The following JAKMIP3 variants were observed in gnomAD, a reference collection of about 807,000 sequenced individuals.
The protein encoded by JAKMIP3 is janus kinase and microtubule-interacting protein 3.
JAKMIP3 carries 58 observed loss-of-function variants against 118.5 expected under a neutral mutation model. The observed-to-expected ratio is 0.49, with a 90% confidence interval of 0.40 to 0.61. JAKMIP3 has a LOEUF of 0.61. Among genes scored for constraint, JAKMIP3 ranks in the 20% least tolerant of loss-of-function variants. JAKMIP3 has a pLI of 0.00. For missense variants in JAKMIP3, 950 were observed against 1,109.0 expected, an observed-to-expected ratio of 0.86 and a Z score of 2.04; for synonymous variants, 486 against 451.2, an observed-to-expected ratio of 1.08 and a Z score of -0.98.
At position 132,117,661 on chromosome 10, in the gene JAKMIP3, A is replaced by G. The variant is rs376914198; in HGVS notation, c.633+87A>G. 8.2e-6 allele frequency: 10 copies of G among 1,220,242 alleles called. No homozygotes were observed. The highest frequency in any genetic ancestry group is 8.3e-6 in the Non-Finnish European group (8 of 966,696). The allele number at this position is 1,220,242 out of a possible 1,614,324, so 75.6% of individuals were successfully genotyped here. On this transcript the variant is annotated intron_variant, in intron 3 of 23. Transcript: ENST00000684848. The surrounding 1 kb of genome is among the most constrained non-coding windows in gnomAD (Gnocchi z 8.6). ...CAGGGGCGGGCGTGGGCGAGGGTGC[A>G]GGCGTGGGCTCGGGGAGCACGCGGG...
At chr10:132,064,625 C>T (rs9419174), upstream of JAKMIP3, among the ~76,000 whole-genome samples, 11,975 of 152,260 alleles carry the variant, frequency 0.079, 586 homozygotes, top group East Asian at 0.29. This position sits in a 1 kb window ranked among gnomAD's most constrained non-coding sequence, Gnocchi z 4.4. Context: ...TGGTTGGTAA[C>T]CAGGGACAGC....
rs781050644 is a variant in JAKMIP3, at chr10:132,148,029, G to C, written c.1827G>C (p.Glu609Asp). Reference sequence around the variant, plus strand: ...CCAGAGACCAAAACGAGCTGCTGGAGTTCAGGATCCTGGAGCTTGAGGTAG... The same window carrying C: ...CCAGAGACCAAAACGAGCTGCTGGACTTCAGGATCCTGGAGCTTGAGGTAG... ...QDARDQNELL[E>D]FRILELEERE... The change falls in exon 14 of 24, where the codon GAG (glutamate) becomes GAC (aspartate). Residue 609 changes from glutamate to aspartate, a missense_variant. Physicochemically the swap from Glu to Asp is conservative, Grantham distance 45 (BLOSUM62 2). Coordinates refer to ENST00000684848, the MANE Select transcript of JAKMIP3 (RefSeq NM_001323087.2). 6.2e-7 allele frequency: 1 copy of C among 1,609,668 alleles called. No individual in the cohort carries two copies. The highest frequency in any genetic ancestry group is 1.1e-5 in the South Asian group (1 of 90,566).
At chr10:132,172,537 A>G (rs534118080) in intron 23 of JAKMIP3, among the ~76,000 whole-genome samples, 11 of 152,060 alleles carry the variant, frequency 7.2e-5, no homozygotes, top group African/African-American at 2.7e-4. Flanking sequence ...CATTGGTTAG[A>G]ATTTTCCTAT....
chr10:132,166,901 G>A (rs1194364563), intron 21 of JAKMIP3, 82 bp from the exon 22 acceptor site: 16 of 949,830 alleles, frequency 1.7e-5, no homozygotes, highest in East Asian at 2.6e-5. Flanking sequence ...CTGTAATCGC[G>A]TGTATTTCTT....
At chr10:132,143,461 C>A (rs1468313503) in intron 11 of JAKMIP3, among the ~76,000 whole-genome samples, 1 of 152,078 alleles carries the variant, frequency 6.6e-6, no homozygotes, top group African/African-American at 2.4e-5. Flanking sequence ...CTGTCGGGTG[C>A]CAGAGAAACA....
chr10:132,117,856 C>G lies in JAKMIP3; in HGVS notation c.633+282C>G, dbSNP rs905191967. On this transcript the variant is annotated intron_variant, in intron 3 of 23. Transcript: ENST00000684848. The surrounding 1 kb of genome is among the most constrained non-coding windows in gnomAD (Gnocchi z 8.6). ...CTCCCCTTTTCCACAAACACCAGCT[C>G]TACTTCCTTTCTTAACTTGGGCCAC... 6.6e-6 allele frequency among the ~76,000 whole-genome samples: 1 copy of G among 152,186 alleles called. No homozygotes were observed. Among genetic ancestry groups the G allele is most frequent in the African/African-American group, 2.4e-5 (1 of 41,434 alleles).
At chr10:132,039,444 A>G (rs2037645747) in intron 1 of JAKMIP3, among the ~76,000 whole-genome samples, 1 of 140,450 alleles carries the variant, frequency 7.1e-6, no homozygotes. Flanking sequence ...CAGGCCACCC[A>G]CCGTTTCCCA....
chr10:132,170,062 TAGA>T (rs1271869454), intron 23 of JAKMIP3: 2 of 152,364 alleles, frequency 1.3e-5, no homozygotes, highest in Admixed American at 6.5e-5. Flanking sequence ...AGGTTCATTC[TAGA>T]AGGAGCGGGA....
chr10:132,170,467 G>C (rs191670897), intron 23 of JAKMIP3, among the ~76,000 whole-genome samples: 1 of 152,184 alleles, frequency 6.6e-6, no homozygotes, highest in Non-Finnish European at 1.5e-5. Context: ...CCCCGAGCAG[G>C]TTCCCACAAC....
intron 1 of JAKMIP3, among the ~76,000 whole-genome samples, chr10:132,099,404 T>A (rs10781556): frequency 1.3e-5 from 2 of 152,098 alleles, no homozygotes; most frequent in African/African-American, 2.4e-5. Flanking sequence ...AGTTGTTTTA[T>A]TACCTCCTCA....
chr10:132,049,029 A>T lies in JAKMIP3; in HGVS notation c.-138+12291A>T. ...TTTAATGTTGCCACATTGTTTCTTT[A>T]CTTCTCTGCATGTCCTGAAAGCCTG... On this transcript the variant is annotated intron_variant, in intron 1 of 23. Transcript: ENST00000657785. This position sits in a 1 kb window ranked among gnomAD's most constrained non-coding sequence, Gnocchi z 4.3. Among the ~76,000 whole-genome samples the T allele has an allele frequency of 1.4e-5, 2 of 147,536 alleles. No individual in the cohort carries two copies. The highest frequency in any genetic ancestry group is 6.7e-5 in the Admixed American group (1 of 14,862).
chr10:132,167,422 T>C (rs1156820076), intron 22 of JAKMIP3, among the ~76,000 whole-genome samples: 1 of 152,180 alleles, frequency 6.6e-6, no homozygotes, highest in African/African-American at 2.4e-5. Context: ...ACGGTGGTTC[T>C]GTGATTCGTC....
intron 1 of JAKMIP3, among the ~76,000 whole-genome samples, chr10:132,090,604 C>G (rs1353399855): frequency 6.6e-6 from 1 of 152,108 alleles, no homozygotes; most frequent in African/African-American, 2.4e-5. Context: ...CTCTTTTCTT[C>G]TTTATCAGTC....
intron 3 of JAKMIP3, among the ~76,000 whole-genome samples, chr10:132,124,456 G>A (rs569343487): frequency 3.5e-5 from 5 of 142,422 alleles, no homozygotes; most frequent in African/African-American, 7.8e-5. Flanking sequence ...CCGCCGAGCC[G>A]GTGGGCCGCG....
intron 1 of JAKMIP3, among the ~76,000 whole-genome samples, chr10:132,066,937 G>A (rs1464543789): frequency 2.0e-5 from 3 of 152,106 alleles, no homozygotes; most frequent in Non-Finnish European, 2.9e-5. Flanking sequence ...TGCTGCTGCC[G>A]TTGATTTTGT....
chr10:132,102,494 C>T (rs528944789), intron 1 of JAKMIP3, among the ~76,000 whole-genome samples: 6 of 152,330 alleles, frequency 3.9e-5, no homozygotes, highest in African/African-American at 1.4e-4. Context: ...GCAGAGCTGA[C>T]ATCCACCCTG....
chr10:132,104,580 GT>G, intron 1 of JAKMIP3, 91 bp from the exon 2 acceptor site: 1 of 561,814 alleles, frequency 1.8e-6, no homozygotes, highest in African/African-American at 1.9e-5. Flanking sequence ...GAGGTGGGGG[GT>G]CCACGTGCCC....
In JAKMIP3 at chr10:132,180,530, T is replaced by TGTGTGTGTGTGTGTGC. The variant is rs1554962673; in HGVS notation, c.*1104-1823_*1104-1808dup. ...GCAAACCTGGAAGCAGAACTGTGTGTGTGTGTGTGTGTGTGCGTGCGTGCA... is the reference window on the plus strand; with the variant it reads ...GCAAACCTGGAAGCAGAACTGTGTGTGTGTGTGTGTGTGTGCGTGTGTGTGTGTGTGCGTGCGTGCA... On this transcript the variant is annotated intron_variant, in intron 23 of 23. Coordinates refer to ENST00000684848, the MANE Select transcript of JAKMIP3 (RefSeq NM_001323087.2). Among the ~76,000 whole-genome samples, 125 of 31,948 alleles carry TGTGTGTGTGTGTGTGC rather than the reference T, an allele frequency of 3.9e-3. 37 individuals carry two copies. Among genetic ancestry groups the TGTGTGTGTGTGTGTGC allele is most frequent in the African/African-American group, 0.022 (109 of 5,022 alleles). The allele number at this position is 31,948 out of a possible 152,430, so 21.0% of individuals were successfully genotyped here. A position where few individuals can be genotyped will look rare whatever the true frequency, so the allele number is the denominator to read the frequency against.
intron 16 of JAKMIP3, 143 bp downstream of exon 16, chr10:132,150,184 T>A: frequency 1.6e-6 from 1 of 640,488 alleles, no homozygotes; most frequent in Non-Finnish European, 2.7e-6. Flanking sequence ...GCCCAGAGCC[T>A]GCTCAGAATC....
Sources: gnomAD v4.1 joint callset for allele counts (sites outside exome capture counted in the v4.1 genomes callset) on GRCh38, gnomAD v4.1.1 for gene constraint, Gnocchi (gnomAD v3.1) non-coding constraint, MANE v1.5 for transcripts, NCBI Gene and HGNC (gene_info 2026-07-23, HGNC 2026-07-21) for gene names.